BUB1B: variants seen among roughly 807,000 people sequenced by gnomAD.
The protein encoded by BUB1B is mitotic checkpoint serine/threonine-protein kinase BUB1 beta.
In BUB1B, 86 loss-of-function variants were observed where a neutral mutation model predicts 137.7. The observed-to-expected ratio is 0.62, with a 90% CI of 0.52 to 0.75. The LOEUF (loss-of-function observed/expected upper bound fraction) is 0.75, where lower values mean the gene tolerates loss of function less well. BUB1B is among the 30% of genes least tolerant of loss of function. BUB1B has a pLI of 0.00. For missense variants in BUB1B, 1,130 were observed against 1,236.9 expected, an observed-to-expected ratio of 0.91 and a Z score of 1.30; for synonymous variants, 420 against 417.9, an observed-to-expected ratio of 1.00 and a Z score of -0.06.
chr15:40,183,958 A>G lies in BUB1B; in HGVS notation c.751+75A>G, dbSNP rs539087212. The stretch of plus-strand genomic sequence containing the variant: ...AATCATGTAAGAAGATAATACATAA[A>G]TATACCTGTGGACACTTCTAGTTTG... On this transcript the variant is annotated intron_variant, in intron 6 of 22. Transcript: ENST00000287598. 2.4e-5 allele frequency: 36 copies of G among 1,482,978 alleles called. No individual in the cohort carries two copies. The Admixed American group carries it at 5.3e-4, about 22-fold the overall frequency. The allele number at this position is 1,482,978 out of a possible 1,614,324, so 91.9% of individuals were successfully genotyped here.
intron 14 of BUB1B, among the ~76,000 whole-genome samples, chr15:40,204,101 C>T (rs145601638): frequency 6.6e-6 from 1 of 152,218 alleles, no homozygotes; most frequent in African/African-American, 2.4e-5. Flanking sequence ...TTTCCCATAT[C>T]AAGATACAGA....
In BUB1B at chr15:40,213,414, T is replaced by C; in HGVS notation, c.2618T>C (p.Leu873Pro). The C allele has an allele frequency of 6.2e-7, 1 of 1,614,182 alleles. No individual in the cohort carries two copies. Among genetic ancestry groups the C allele is most frequent in the Non-Finnish European group, 8.5e-7 (1 of 1,179,992 alleles). Residue 873 changes from leucine (L) to proline (P), a missense_variant, in exon 20 of 23, where the codon CTA becomes CCA. Leu to Pro is a moderately conservative substitution (Grantham distance 98). Coordinates refer to ENST00000287598, the MANE Select transcript of BUB1B (RefSeq NM_001211.6). ...AACCTTTTGACAATAGTGGAGATGC[T>C]ACACAAAGCAGAAATAGTCCATGGT... ...IYNLLTIVEM[L>P]HKAEIVHGDL...
At position 40,200,388 on chromosome 15, in the gene BUB1B, G is replaced by C. The variant is rs780179469; in HGVS notation, c.1517+29G>C. On this transcript the variant is annotated intron_variant, in intron 11 of 22. Transcript: ENST00000287598. ...AGACTACATAGGTGGAAGGGACAAT[G>C]CATATAGGAGGGCATTTAGAACCAA... The C allele has an allele frequency of 3.2e-6, 5 of 1,559,970 alleles. No homozygotes were observed. In the African/African-American group the frequency reaches 6.8e-5, roughly 21 times the overall value.
intron 14 of BUB1B, among the ~76,000 whole-genome samples, chr15:40,205,578 T>C (rs1203684953): frequency 6.6e-6 from 1 of 152,186 alleles, no homozygotes. Context: ...AGTTTTAAAC[T>C]AGTAAAAAAC....
chr15:40,165,025 A>G, intron 1 of BUB1B, 28 bp from the exon 2 acceptor site: 1 of 1,612,390 alleles, frequency 6.2e-7, no homozygotes, highest in Non-Finnish European at 8.5e-7. Context: ...TGTTGGTATG[A>G]GATTTACATT....
At position 40,161,091 on chromosome 15, in the gene BUB1B, G is replaced by C. The variant is rs2037037028; in HGVS notation, c.-130G>C. The C allele has an allele frequency of 7.8e-6, 10 of 1,276,244 alleles. No homozygotes were observed. Among genetic ancestry groups the C allele is most frequent in the Non-Finnish European group, 1.1e-5 (10 of 921,652 alleles). 79.1% of individuals were successfully genotyped at this position (1,276,244 alleles called of 1,614,324 possible). A position where few individuals can be genotyped will look rare whatever the true frequency, so the allele number is the denominator to read the frequency against. Reference sequence around the variant, plus strand: ...GGTGTGGGCTTGAGGTGGCCGGTTTGTTAGGGAGTCGTGTACGTGCCTTGG... The same window carrying C: ...GGTGTGGGCTTGAGGTGGCCGGTTTCTTAGGGAGTCGTGTACGTGCCTTGG... On this transcript the variant is annotated 5_prime_UTR_variant, in exon 1 of 23. Coordinates refer to ENST00000287598, the MANE Select transcript of BUB1B (RefSeq NM_001211.6).
At chr15:40,216,248 G>A (rs2037780245) in intron 20 of BUB1B, among the ~76,000 whole-genome samples, 1 of 152,000 alleles carries the variant, frequency 6.6e-6, no homozygotes, top group Admixed American at 6.6e-5. Context: ...GACCAGTCTG[G>A]GCAATATAAT....
intron 21 of BUB1B, 72 bp from the exon 22 acceptor site, chr15:40,218,384 T>A: frequency 8.8e-7 from 1 of 1,135,590 alleles, no homozygotes; most frequent in Non-Finnish European, 1.3e-6. Flanking sequence ...ACCTTTCAAC[T>A]TCCTACCGAA....
At chr15:40,168,966 T>C in intron 2 of BUB1B, among the ~76,000 whole-genome samples, 1 of 152,254 alleles carries the variant, frequency 6.6e-6, no homozygotes, top group East Asian at 1.9e-4. Context: ...TGTAATTTAG[T>C]ATCCTGCTTT....
chr15:40,220,792 C>CA lies in BUB1B; in HGVS notation c.*34dup. 6.3e-6 allele frequency: 10 copies of CA among 1,591,956 alleles called. No homozygotes were observed. The highest frequency in any genetic ancestry group is 7.8e-6 in the Non-Finnish European group (9 of 1,160,010). On this transcript the variant is annotated 3_prime_UTR_variant, in exon 23 of 23. Transcript: ENST00000287598. ...AATCAAGTCTCACAGATTGCTGCCT[C>CA]AGAGCAATGGTTGTATTGTGGAACA...
intron 19 of BUB1B, among the ~76,000 whole-genome samples, chr15:40,212,955 A>T (rs563163201): frequency 3.3e-5 from 5 of 152,278 alleles, no homozygotes; most frequent in Admixed American, 2.6e-4. Flanking sequence ...CCCCCACTGG[A>T]TAGTTTTTAA....
intron 5 of BUB1B, among the ~76,000 whole-genome samples, chr15:40,182,462 C>A (rs1595518018): frequency 6.6e-6 from 1 of 152,222 alleles, no homozygotes; most frequent in Non-Finnish European, 1.5e-5. Context: ...TCTTTGTCAT[C>A]TTGTGTGGCT....
At position 40,187,328 on chromosome 15, in the gene BUB1B, G is replaced by A. The variant is rs192524862; in HGVS notation, c.1058+1686G>A. Among the ~76,000 whole-genome samples, 938 of 152,010 alleles carry A rather than the reference G, an allele frequency of 6.2e-3. 9 individuals carry two copies. Among genetic ancestry groups the A allele is most frequent in the African/African-American group, 0.022 (896 of 41,478 alleles). On this transcript the variant is annotated intron_variant, in intron 8 of 22. Coordinates refer to ENST00000287598, the MANE Select transcript of BUB1B (RefSeq NM_001211.6). ...TTTTTAGTAGAGACGGGATTTCACC[G>A]TGTTAGCCAGGATGGTCTCGATCTC...
chr15:40,163,331 C>T (rs1036924347), intron 1 of BUB1B, among the ~76,000 whole-genome samples: 6 of 152,104 alleles, frequency 3.9e-5, no homozygotes, highest in South Asian at 4.1e-4. Flanking sequence ...CCCAGCACTT[C>T]GGGAGGCTGA....
At chr15:40,181,739 A>G (rs1352775919) in intron 5 of BUB1B, among the ~76,000 whole-genome samples, 3 of 152,192 alleles carry the variant, frequency 2.0e-5, no homozygotes, top group African/African-American at 7.2e-5. Flanking sequence ...CCATCCTGCT[A>G]TTGAAACCAT....
At chr15:40,193,463 T>C (rs1042859375) in intron 8 of BUB1B, among the ~76,000 whole-genome samples, 2 of 149,824 alleles carry the variant, frequency 1.3e-5, no homozygotes, top group African/African-American at 4.9e-5. Flanking sequence ...ATATGCTTAT[T>C]ACCACTTTTT....
At chr15:40,215,426 C>T (rs150194167) in intron 20 of BUB1B, among the ~76,000 whole-genome samples, 3 of 151,702 alleles carry the variant, frequency 2.0e-5, no homozygotes, top group East Asian at 3.9e-4. Context: ...GAACTGAGAT[C>T]GCACCATTGT....
chr15:40,185,392 A>T lies in BUB1B; in HGVS notation c.966+13A>T. On this transcript the variant is annotated intron_variant, in intron 7 of 22. Transcript: ENST00000287598. ...CTTGGAACACAGGGTAAGGACTCTT[A>T]GATCCAGTGCTTTGCTGACACAACA... 1 of 1,613,436 alleles carries T rather than the reference A, an allele frequency of 6.2e-7. No individual in the cohort carries two copies. Among genetic ancestry groups the T allele is most frequent in the Non-Finnish European group, 8.5e-7 (1 of 1,179,580 alleles).
chr15:40,189,640 T>G (rs1364861417), intron 8 of BUB1B, among the ~76,000 whole-genome samples: 4 of 152,260 alleles, frequency 2.6e-5, no homozygotes, highest in Non-Finnish European at 2.9e-5. Context: ...TGTTTTCATT[T>G]TTTGGCTATT....
Sources: allele counts gnomAD v4.1 joint callset (sites outside exome capture counted in the v4.1 genomes callset), GRCh38; gene constraint gnomAD v4.1.1; transcripts MANE v1.5; gene names NCBI Gene and HGNC (gene_info 2026-07-23, HGNC 2026-07-21).